Variants in WWOX observed in about 807,000 individuals in gnomAD.
The protein encoded by WWOX is WW domain containing oxidoreductase, also known as WW domain-containing oxidoreductase.
A neutral mutation model predicts 46.2 loss-of-function variants in WWOX; 69 were observed. The ratio of observed to expected loss-of-function variants is 1.49; its 90% CI spans 1.23 to 1.82. The LOEUF (loss-of-function observed/expected upper bound fraction) is 1.82, where lower values mean the gene tolerates loss of function less well. Among genes scored for constraint, WWOX ranks in the 40% most tolerant of loss-of-function variants. The pLI is 0.00. For synonymous variants in WWOX, 359 were observed against 202.6 expected, an observed-to-expected ratio of 1.77 and a Z score of -6.56; for missense variants, 919 against 542.6, an observed-to-expected ratio of 1.69 and a Z score of -6.89.
At chr16:78,796,196 G>A (rs531795128) in intron 8 of WWOX, among the ~76,000 whole-genome samples, 31 of 152,252 alleles carry the variant, frequency 2.0e-4, no homozygotes, top group African/African-American at 6.3e-4. Flanking sequence ...TAGAACTGTC[G>A]TTGATTGCTT....
At chr16:78,652,385 G>A (rs959212346) in intron 8 of WWOX, among the ~76,000 whole-genome samples, 4 of 147,130 alleles carry the variant, frequency 2.7e-5, no homozygotes, top group Non-Finnish European at 5.9e-5. Flanking sequence ...CTCCAGCCTG[G>A]GTGACAGAGC....
chr16:78,923,794 G>GTTTTTTTTTTTTTTTTT (rs56852814), intron 8 of WWOX, among the ~76,000 whole-genome samples: 1 of 102,164 alleles, frequency 9.8e-6, no homozygotes, highest in Non-Finnish European at 1.8e-5. Flanking sequence ...TTTTTAGTTA[G>GTTTTTTTTTTTTTTTTT]TTTTTTTTTT....
At chr16:79,188,865 A>C (rs1219992121) in intron 8 of WWOX, among the ~76,000 whole-genome samples, 1 of 152,224 alleles carries the variant, frequency 6.6e-6, no homozygotes, top group African/African-American at 2.4e-5. Flanking sequence ...AGGTAAGCTG[A>C]AGGCATTAGT....
At chr16:78,607,146 C>G (rs904432855) in intron 8 of WWOX, among the ~76,000 whole-genome samples, 11 of 151,586 alleles carry the variant, frequency 7.3e-5, no homozygotes, top group African/African-American at 2.4e-4. Flanking sequence ...AGTTAAAATA[C>G]AAAATGAGAA....
chr16:78,912,952 A>T lies in WWOX; in HGVS notation c.1057-298656A>T, dbSNP rs13330084. Among the ~76,000 whole-genome samples the T allele has an allele frequency of 8.2e-4, 125 of 152,088 alleles. 1 individual carries two copies. The South Asian group carries it at 0.02, about 24-fold the overall frequency. On this transcript the variant is annotated intron_variant, in intron 8 of 8. Transcript: ENST00000566780. ...GAAACCTCGAAGGGTCGAACGGTCC[A>T]TTCTGAGGGCTCCACAAAGAACTCG...
chr16:78,893,137 T>C (rs575250120), intron 8 of WWOX, among the ~76,000 whole-genome samples: 1 of 151,642 alleles, frequency 6.6e-6, no homozygotes, highest in African/African-American at 2.4e-5. Flanking sequence ...AAGGAGGCTC[T>C]CCAGGCTGAC....
intron 8 of WWOX, among the ~76,000 whole-genome samples, chr16:78,943,621 T>C (rs2045894805): frequency 6.6e-6 from 1 of 152,162 alleles, no homozygotes; most frequent in African/African-American, 2.4e-5. Context: ...CCACTCTGTG[T>C]GGCCCCGTCA....
chr16:78,182,536 T>C (rs1392323885), intron 5 of WWOX, among the ~76,000 whole-genome samples: 1 of 152,030 alleles, frequency 6.6e-6, no homozygotes, highest in Non-Finnish European at 1.5e-5. Context: ...CACAAAGCTT[T>C]CCTGGGCTTC....
intron 5 of WWOX, among the ~76,000 whole-genome samples, chr16:78,382,277 C>T (rs2081970378): frequency 6.6e-6 from 1 of 152,184 alleles, no homozygotes; most frequent in African/African-American, 2.4e-5. Context: ...GAAATGTGAG[C>T]AGAAGCAACA....
intron 8 of WWOX, among the ~76,000 whole-genome samples, chr16:79,121,811 C>G (rs2049638040): frequency 6.6e-6 from 1 of 152,148 alleles, no homozygotes; most frequent in African/African-American, 2.4e-5. Context: ...GGCCACTCAT[C>G]CCTAATAATA....
At chr16:78,998,081 G>A (rs769060629) in intron 8 of WWOX, among the ~76,000 whole-genome samples, 15 of 152,082 alleles carry the variant, frequency 9.9e-5, no homozygotes, top group Admixed American at 4.6e-4. Context: ...TCTCCCTGTT[G>A]TTCAGGGTGG....
intron 8 of WWOX, among the ~76,000 whole-genome samples, chr16:78,454,898 C>G (rs1471939985): frequency 6.6e-6 from 1 of 152,234 alleles, no homozygotes; most frequent in Non-Finnish European, 1.5e-5. Flanking sequence ...CCCGCTAGAT[C>G]ACAGTCTGTT....
At chr16:79,166,302 G>A (rs1036463715) in intron 8 of WWOX, among the ~76,000 whole-genome samples, 2 of 152,096 alleles carry the variant, frequency 1.3e-5, no homozygotes. Flanking sequence ...GCTTTTCCAG[G>A]CCTTAATTTC....
chr16:78,338,548 G>C lies in WWOX; in HGVS notation c.517-48312G>C, dbSNP rs150992626. On this transcript the variant is annotated intron_variant, in intron 5 of 8. Transcript: ENST00000566780. ...ATTCTGTAGTTTCCACAAGTAACCA[G>C]AGAATTGTTCAAGGCAGAGAATTAT... 6.5e-3 allele frequency among the ~76,000 whole-genome samples: 791 copies of C among 121,060 alleles called. 192 individuals carry two copies. The highest frequency in any genetic ancestry group is 0.043 in the Admixed American group (538 of 12,416). The allele number at this position is 121,060 out of a possible 152,430, so 79.4% of individuals were successfully genotyped here.
intron 8 of WWOX, among the ~76,000 whole-genome samples, chr16:78,840,203 T>C (rs956540266): frequency 2.0e-5 from 3 of 152,194 alleles, no homozygotes; most frequent in African/African-American, 7.2e-5. Context: ...TTTTTTAATA[T>C]AAAATAATTA....
intron 8 of WWOX, among the ~76,000 whole-genome samples, chr16:78,681,341 C>T (rs573369738): frequency 1.3e-5 from 2 of 152,232 alleles, no homozygotes; most frequent in East Asian, 3.9e-4. Flanking sequence ...GAGGTAGAGG[C>T]TGCAGTGAGC....
Position 78,945,168 on chromosome 16 carries a change from A to G in WWOX, c.1057-266440A>G, listed in dbSNP as rs919623304. Among the ~76,000 whole-genome samples, 18 of 152,152 alleles carry G rather than the reference A, an allele frequency of 1.2e-4. 1 individual carries two copies. Among genetic ancestry groups the G allele is most frequent in the Admixed American group, 6.5e-4 (10 of 15,276 alleles). On this transcript the variant is annotated intron_variant, in intron 8 of 8. Coordinates refer to ENST00000566780, the MANE Select transcript of WWOX (RefSeq NM_016373.4). Reference sequence around the variant, plus strand: ...GGAGTCCACCCTGGGTGACAGAGTGACACCCTGTGTCAAAAAAAGAAAAAG... The same window carrying G: ...GGAGTCCACCCTGGGTGACAGAGTGGCACCCTGTGTCAAAAAAAGAAAAAG...
At chr16:78,126,558 G>T (rs887439303) in intron 4 of WWOX, among the ~76,000 whole-genome samples, 1 of 148,872 alleles carries the variant, frequency 6.7e-6, no homozygotes, top group Admixed American at 6.6e-5. Flanking sequence ...CTTGCCTCAT[G>T]TGCTATCATT....
chr16:79,014,108 G>C (rs1048849244), intron 8 of WWOX, among the ~76,000 whole-genome samples: 1 of 152,202 alleles, frequency 6.6e-6, no homozygotes, highest in Non-Finnish European at 1.5e-5. Flanking sequence ...GCCCGAGCTG[G>C]GTCTTTGAGC....
Sources: gnomAD v4.1 joint callset for allele counts (sites outside exome capture counted in the v4.1 genomes callset) on GRCh38, gnomAD v4.1.1 for gene constraint, MANE v1.5 for transcripts, NCBI Gene and HGNC (gene_info 2026-07-23, HGNC 2026-07-21) for gene names.